Variants in GALNT17 observed in about 807,000 individuals in gnomAD.
GALNT17 encodes polypeptide N-acetylgalactosaminyltransferase 17.
Under a neutral mutation model 63.7 loss-of-function variants are expected in GALNT17, and 29 were observed. That is an observed-to-expected ratio of 0.46 (90% CI 0.34 to 0.62). The LOEUF is 0.62. Ranked by LOEUF, GALNT17 falls within the 20% of genes least tolerant of loss-of-function variation. The pLI, the probability that GALNT17 is intolerant of heterozygous loss-of-function variation, is 0.01. For missense variants in GALNT17, 603 were observed against 799.6 expected, an observed-to-expected ratio of 0.75 and a Z score of 2.97; for synonymous variants, 305 against 318.3, an observed-to-expected ratio of 0.96 and a Z score of 0.45.
intron 3 of GALNT17, among the ~76,000 whole-genome samples, chr7:71,414,264 TA>T (rs2116430341): frequency 6.6e-6 from 1 of 152,150 alleles, no homozygotes; most frequent in South Asian, 2.1e-4. Context: ...TAAATAAAAA[TA>T]AAAATGATAT....
intron 1 of GALNT17, among the ~76,000 whole-genome samples, chr7:71,144,924 T>G (rs111946834): frequency 0.019 from 2,834 of 152,224 alleles, 48 homozygotes; most frequent in South Asian, 0.058. Flanking sequence ...GAGATGGGGT[T>G]TCACCATGTT....
At chr7:71,461,910 G>A (rs1787457481) in intron 5 of GALNT17, among the ~76,000 whole-genome samples, 1 of 152,226 alleles carries the variant, frequency 6.6e-6, no homozygotes, top group Non-Finnish European at 1.5e-5. Flanking sequence ...TCTGGGGCAG[G>A]ACATGATGCC....
At chr7:71,283,122 C>A (rs148129846) in intron 1 of GALNT17, among the ~76,000 whole-genome samples, 371 of 145,354 alleles carry the variant, frequency 2.6e-3, no homozygotes, top group Non-Finnish European at 3.7e-3. Flanking sequence ...ACCTCAAACT[C>A]CTAGGGTCAA....
intron 2 of GALNT17, among the ~76,000 whole-genome samples, chr7:71,350,040 G>A (rs1170530052): frequency 1.3e-5 from 2 of 152,190 alleles, no homozygotes; most frequent in African/African-American, 2.4e-5. Context: ...CAGAATTTGA[G>A]CTGTTGTTTC....
intron 1 of GALNT17, among the ~76,000 whole-genome samples, chr7:71,199,423 G>T (rs1039002207): frequency 6.6e-6 from 1 of 151,882 alleles, no homozygotes; most frequent in Non-Finnish European, 1.5e-5. Context: ...CTGTCCACTG[G>T]CCCACTCACC....
chr7:71,250,741 A>G (rs528080686), intron 1 of GALNT17, among the ~76,000 whole-genome samples: 2 of 152,320 alleles, frequency 1.3e-5, no homozygotes, highest in South Asian at 2.1e-4. Context: ...CAAAAGTGGT[A>G]TTTTGTATGT....
At chr7:71,154,261 C>T (rs568723674) in intron 1 of GALNT17, among the ~76,000 whole-genome samples, 6 of 152,224 alleles carry the variant, frequency 3.9e-5, no homozygotes, top group East Asian at 1.9e-4. Context: ...CTGGCTGTTC[C>T]GGCTTCCAGC....
intron 5 of GALNT17, among the ~76,000 whole-genome samples, chr7:71,510,238 C>T (rs1419129094): frequency 2.0e-5 from 3 of 152,198 alleles, no homozygotes; most frequent in African/African-American, 7.2e-5. Flanking sequence ...TGAGCCACTG[C>T]ACCTGGCCCC....
intron 3 of GALNT17, among the ~76,000 whole-genome samples, chr7:71,400,166 A>C (rs1349047948): frequency 6.6e-6 from 1 of 151,572 alleles, no homozygotes; most frequent in Non-Finnish European, 1.5e-5. Context: ...CCACCCCCTG[A>C]CAGGCCCCAG....
intron 6 of GALNT17, among the ~76,000 whole-genome samples, chr7:71,653,812 G>C (rs1172563871): frequency 6.6e-6 from 1 of 152,088 alleles, no homozygotes; most frequent in Non-Finnish European, 1.5e-5. Context: ...AAAATCTGAG[G>C]TCAGCAGAAA....
chr7:71,489,301 G>A (rs570069604), intron 5 of GALNT17, among the ~76,000 whole-genome samples: 15 of 152,190 alleles, frequency 9.9e-5, no homozygotes, highest in African/African-American at 2.4e-4. Flanking sequence ...CCTGACTATC[G>A]TCTTAAAATG....
chr7:71,532,306 A>T (rs1397468948), intron 5 of GALNT17, among the ~76,000 whole-genome samples: 1 of 152,130 alleles, frequency 6.6e-6, no homozygotes, highest in East Asian at 1.9e-4. Context: ...ATAATCAGGC[A>T]CAAGGGTCTG....
intron 3 of GALNT17, among the ~76,000 whole-genome samples, chr7:71,395,141 A>C (rs1388864898): frequency 6.6e-6 from 1 of 152,146 alleles, no homozygotes; most frequent in East Asian, 1.9e-4. Flanking sequence ...AGTGATTTTC[A>C]GTATATTCAA....
intron 2 of GALNT17, among the ~76,000 whole-genome samples, chr7:71,382,894 G>C (rs569562253): frequency 6.6e-6 from 1 of 152,136 alleles, no homozygotes; most frequent in African/African-American, 2.4e-5. Flanking sequence ...TTTTTAAGTG[G>C]TTCATTGGCA....
chr7:71,266,938 G>T (rs1164390859), intron 1 of GALNT17, among the ~76,000 whole-genome samples: 1 of 152,196 alleles, frequency 6.6e-6, no homozygotes, highest in East Asian at 1.9e-4. Flanking sequence ...TGACTCTGAG[G>T]TTTAAAATGC....
intron 9 of GALNT17, among the ~76,000 whole-genome samples, chr7:71,689,560 A>C (rs1411675713): frequency 6.6e-6 from 1 of 152,206 alleles, no homozygotes; most frequent in Non-Finnish European, 1.5e-5. Flanking sequence ...GAAGCTACAG[A>C]AGAAAAGTTT....
chr7:71,576,995 A>T (rs1187569909), intron 6 of GALNT17, among the ~76,000 whole-genome samples: 1 of 152,210 alleles, frequency 6.6e-6, no homozygotes, highest in Non-Finnish European at 1.5e-5. Context: ...GATAAAGAAA[A>T]TGTGGTACGT....
chr7:71,616,881 A>AATTAAGAATATATAATTCTTAGAATCAT lies in GALNT17; in HGVS notation c.1080+45500_1080+45501insGAATCATATTAAGAATATATAATTCTTA, dbSNP rs1790214175. ...TATATTATAAAAGTATACATTATAT[A>AATTAAGAATATATAATTCTTAGAATCAT]ATTAAGAATATATAATTCTTATAAG... On this transcript the variant is annotated intron_variant, in intron 6 of 10. Coordinates refer to ENST00000333538, the MANE Select transcript of GALNT17 (RefSeq NM_022479.3). 2.4e-5 allele frequency among the ~76,000 whole-genome samples: 3 copies of AATTAAGAATATATAATTCTTAGAATCAT among 125,608 alleles called. 1 individual carries two copies. The highest frequency in any genetic ancestry group is 5.8e-5 in the African/African-American group (2 of 34,330). The allele number at this position is 125,608 out of a possible 152,430, so 82.4% of individuals were successfully genotyped here. A position where few individuals can be genotyped will look rare whatever the true frequency, so the allele number is the denominator to read the frequency against.
chr7:71,413,367 T>C (rs893170179), intron 3 of GALNT17, among the ~76,000 whole-genome samples: 11 of 152,206 alleles, frequency 7.2e-5, no homozygotes, highest in African/African-American at 2.2e-4. Context: ...AATTTGTTTT[T>C]ATTTTATTTT....
Sources: gnomAD v4.1 joint callset for allele counts (sites outside exome capture counted in the v4.1 genomes callset) on GRCh38, gnomAD v4.1.1 for gene constraint, MANE v1.5 for transcripts, NCBI Gene and HGNC (gene_info 2026-07-23, HGNC 2026-07-21) for gene names.